The following RALGPS2 variants were observed in gnomAD, a reference collection of about 807,000 sequenced individuals.
The protein encoded by RALGPS2 is Ral GEF with PH domain and SH3 binding motif 2.
Under a neutral mutation model 86.8 loss-of-function variants are expected in RALGPS2, and 43 were observed. That is an observed-to-expected ratio of 0.50 (90% CI 0.39 to 0.64). The LOEUF (loss-of-function observed/expected upper bound fraction) is 0.64. Ranked by LOEUF, RALGPS2 falls within the 30% of genes least tolerant of loss-of-function variation. The pLI is 0.00. For missense variants in RALGPS2, 536 were observed against 694.6 expected, an observed-to-expected ratio of 0.77 and a Z score of 2.57; for synonymous variants, 243 against 231.3, an observed-to-expected ratio of 1.05 and a Z score of -0.46.
At chr1:178,907,268 G>T (rs1401641235) in intron 19 of RALGPS2, among the ~76,000 whole-genome samples, 4 of 152,110 alleles carry the variant, frequency 2.6e-5, no homozygotes, top group African/African-American at 9.7e-5. Context: ...AGTGCAGGGA[G>T]CCTGAAGCTG....
At chr1:178,853,625 A>G (rs773046843) in intron 8 of RALGPS2, 3 of 1,602,010 alleles carry the variant, frequency 1.9e-6, no homozygotes. Context: ...GAAGAAGTTG[A>G]CAGAGCCGTC....
At chr1:178,832,583 G>C (rs1421250081) in intron 7 of RALGPS2, among the ~76,000 whole-genome samples, 5 of 151,910 alleles carry the variant, frequency 3.3e-5, no homozygotes, top group African/African-American at 1.2e-4. Context: ...AATTAGGTGA[G>C]ACTTACATAG....
intron 13 of RALGPS2, among the ~76,000 whole-genome samples, chr1:178,886,629 T>C (rs1052353405): frequency 3.3e-5 from 5 of 152,096 alleles, no homozygotes; most frequent in African/African-American, 9.7e-5. Flanking sequence ...TCTGAAGATA[T>C]ACGAGAGGTA....
intron 17 of RALGPS2, among the ~76,000 whole-genome samples, chr1:178,898,909 A>G (rs141072114): frequency 8.6e-4 from 131 of 152,018 alleles, no homozygotes; most frequent in African/African-American, 3.1e-3. Flanking sequence ...TGCTAGAACA[A>G]TTTGTAGAGT....
intron 8 of RALGPS2, among the ~76,000 whole-genome samples, chr1:178,868,241 CATTT>C (rs1412705095): frequency 3.3e-5 from 5 of 151,774 alleles, no homozygotes; most frequent in African/African-American, 1.2e-4. Context: ...ACCAATAAAA[CATTT>C]ATTATATCTC....
intron 8 of RALGPS2, chr1:178,850,898 G>A: frequency 1.1e-5 from 4 of 367,686 alleles, no homozygotes; most frequent in Non-Finnish European, 1.9e-5. Flanking sequence ...TTTGTATTTA[G>A]TCAACATAAT....
At chr1:178,875,758 G>T (rs1572440036) in intron 8 of RALGPS2, among the ~76,000 whole-genome samples, 1 of 151,628 alleles carries the variant, frequency 6.6e-6, no homozygotes, top group Non-Finnish European at 1.5e-5. Context: ...AAAAAAAAAT[G>T]GTTTAAAAAA....
Position 178,814,546 on chromosome 1 carries a change from C to G in RALGPS2, c.387+3142C>G, listed in dbSNP as rs571361236. On this transcript the variant is annotated intron_variant, in intron 6 of 19. Transcript: ENST00000367635. Reference sequence around the variant, plus strand: ...GACCTTCTGGGCCCAGGCAATCTTCCTACCTCAGCCTCCCGAATAGTTAGG... The same window carrying G: ...GACCTTCTGGGCCCAGGCAATCTTCGTACCTCAGCCTCCCGAATAGTTAGG... 3.2e-4 allele frequency among the ~76,000 whole-genome samples: 48 copies of G among 152,296 alleles called. No homozygotes were observed. In the South Asian group the frequency reaches 5.2e-3, roughly 16 times the overall value.
intron 2 of RALGPS2, among the ~76,000 whole-genome samples, chr1:178,784,070 T>A (rs961271795): frequency 6.6e-6 from 1 of 152,302 alleles, no homozygotes; most frequent in East Asian, 1.9e-4. Flanking sequence ...AAATTGTAAG[T>A]AAGTGTATAG....
intron 4 of RALGPS2, among the ~76,000 whole-genome samples, chr1:178,791,698 AGTT>A (rs1001008827): frequency 7.2e-5 from 11 of 152,136 alleles, no homozygotes; most frequent in African/African-American, 2.7e-4. Flanking sequence ...AATTCTTACT[AGTT>A]TATGGAATTC....
At chr1:178,732,192 C>G (rs1406410548) in intron 1 of RALGPS2, among the ~76,000 whole-genome samples, 5 of 152,016 alleles carry the variant, frequency 3.3e-5, no homozygotes, top group Admixed American at 2.6e-4. Flanking sequence ...AGTCACTTGT[C>G]AAAGAGTAAA....
intron 1 of RALGPS2, among the ~76,000 whole-genome samples, chr1:178,769,106 C>A (rs1044496615): frequency 2.6e-4 from 40 of 151,868 alleles, no homozygotes; most frequent in Admixed American, 2.6e-3. Flanking sequence ...TTCAGGCTAC[C>A]AATCCCAGCA....
chr1:178,826,058 A>T (rs191429426), intron 7 of RALGPS2, among the ~76,000 whole-genome samples: 3 of 152,342 alleles, frequency 2.0e-5, no homozygotes, highest in Admixed American at 2.0e-4. Context: ...TTTGCAGAGG[A>T]TGGACCATGA....
At chr1:178,773,078 A>G (rs1462819861) in intron 1 of RALGPS2, among the ~76,000 whole-genome samples, 1 of 152,264 alleles carries the variant, frequency 6.6e-6, no homozygotes, top group African/African-American at 2.4e-5. Context: ...CTAGGATTAC[A>G]GGCGTGAGCC....
intron 18 of RALGPS2, among the ~76,000 whole-genome samples, chr1:178,905,798 T>G (rs1471064001): frequency 6.6e-6 from 1 of 152,212 alleles, no homozygotes; most frequent in Non-Finnish European, 1.5e-5. Context: ...CCTCATTATA[T>G]GTCAGTCTTG....
chr1:178,754,832 C>T (rs1162140432), intron 1 of RALGPS2, among the ~76,000 whole-genome samples: 1 of 152,268 alleles, frequency 6.6e-6, no homozygotes, highest in Non-Finnish European at 1.5e-5. Flanking sequence ...CGAAGTCTCA[C>T]TCTGTTGCCC....
chr1:178,907,757 C>T lies in RALGPS2; in HGVS notation c.1722+890C>T, dbSNP rs184412421. Among the ~76,000 whole-genome samples, 195 of 152,316 alleles carry T rather than the reference C, an allele frequency of 1.3e-3. 2 individuals carry two copies. The highest frequency in any genetic ancestry group is 4.3e-3 in the African/African-American group (178 of 41,554). On this transcript the variant is annotated intron_variant, in intron 19 of 19. Coordinates refer to ENST00000367635, the MANE Select transcript of RALGPS2 (RefSeq NM_152663.5). Reference sequence around the variant, plus strand: ...TCAGTAGGTAATATTGAATATGATGCACTATATAAGCTTAGAAAGCTTACA... The same window carrying T: ...TCAGTAGGTAATATTGAATATGATGTACTATATAAGCTTAGAAAGCTTACA...
chr1:178,773,585 T>A (rs1216122392), intron 1 of RALGPS2, among the ~76,000 whole-genome samples: 1 of 152,070 alleles, frequency 6.6e-6, no homozygotes, highest in Non-Finnish European at 1.5e-5. Context: ...TTCAACATTA[T>A]TAAATACTAT....
intron 1 of RALGPS2, among the ~76,000 whole-genome samples, chr1:178,768,408 G>A (rs1319887885): frequency 6.6e-6 from 1 of 152,152 alleles, no homozygotes; most frequent in South Asian, 2.1e-4. Flanking sequence ...TCCCTAGGGG[G>A]TGTGACTATA....
Sources: gnomAD v4.1 joint callset for allele counts (sites outside exome capture counted in the v4.1 genomes callset) on GRCh38, gnomAD v4.1.1 for gene constraint, MANE v1.5 for transcripts, NCBI Gene and HGNC (gene_info 2026-07-23, HGNC 2026-07-21) for gene names.